Variants in PADI2 observed in about 807,000 individuals in gnomAD.
The protein encoded by PADI2 is protein-arginine deiminase type-2.
Under a neutral mutation model 81.1 loss-of-function variants are expected in PADI2, and 70 were observed. The ratio of observed to expected loss-of-function variants is 0.86; its 90% CI spans 0.71 to 1.05. PADI2 has a LOEUF of 1.05. Ranked by LOEUF, PADI2 falls within the 50% of genes least tolerant of loss-of-function variation. The pLI, the probability that PADI2 is intolerant of heterozygous loss-of-function variation, is 0.00. For missense variants in PADI2, 853 were observed against 889.9 expected, an observed-to-expected ratio of 0.96 and a Z score of 0.53; for synonymous variants, 338 against 358.0, an observed-to-expected ratio of 0.94 and a Z score of 0.63.
intron 3 of PADI2, among the ~76,000 whole-genome samples, chr1:17,100,347 CTG>C (rs1931099388): frequency 6.6e-6 from 1 of 152,198 alleles, no homozygotes; most frequent in Non-Finnish European, 1.5e-5. Flanking sequence ...TGCAGTGGCA[CTG>C]TGTCAGCTCA....
chr1:17,093,476 ACACCTGCCT>A lies in PADI2; in HGVS notation c.529+82_529+90del. On this transcript the variant is annotated intron_variant, in intron 5 of 15. Transcript: ENST00000375486. ...CACCATCCCCAGGAGGCCTGAGTCC[ACACCTGCCT>A]CACCCTCAGCCCAGCCCAGGACTGG... The A allele has an allele frequency of 9.6e-6, 8 of 829,552 alleles. No homozygotes were observed. The South Asian group carries it at 1.3e-4, about 14-fold the overall frequency. 51.4% of individuals were successfully genotyped at this position (829,552 alleles called of 1,614,324 possible). A position where few individuals can be genotyped will look rare whatever the true frequency, so the allele number is the denominator to read the frequency against.
intron 4 of PADI2, among the ~76,000 whole-genome samples, chr1:17,095,374 G>C (rs1453298985): frequency 1.3e-5 from 2 of 152,184 alleles, no homozygotes; most frequent in African/African-American, 4.8e-5. Context: ...GGTCCTCTGT[G>C]GGGGAGCAGA....
chr1:17,104,933 C>G lies in PADI2; in HGVS notation c.221G>C (p.Ser74Thr), dbSNP rs766709630. ...NGKQRWLLSPSTTLRVTMSQA... is the reference protein window; with the variant it reads ...NGKQRWLLSPTTTLRVTMSQA... ...GCTCATGGTGACCCGCAGGGTGGTG[C>G]TGGGCGAGAGAAGCCAGCGCTGCTT... Residue 74 changes from serine (S) to threonine (T), a missense_variant, in exon 2 of 16, where the codon AGC becomes ACC. By Grantham distance (58) the Ser-to-Thr change is moderately conservative. Transcript: ENST00000375486. 2 of 1,605,298 alleles carry G rather than the reference C, an allele frequency of 1.2e-6. No individual in the cohort carries two copies. Among genetic ancestry groups the G allele is most frequent in the Non-Finnish European group, 1.7e-6 (2 of 1,178,132 alleles).
intron 13 of PADI2, 60 bp downstream of exon 13, chr1:17,074,796 C>A: frequency 9.4e-7 from 1 of 1,062,486 alleles, no homozygotes; most frequent in Non-Finnish European, 1.4e-6. Flanking sequence ...CCCACCCTCC[C>A]GAGGGTCTCT....
At chr1:17,081,918 G>T (rs557128008) in intron 10 of PADI2, among the ~76,000 whole-genome samples, 1 of 152,284 alleles carries the variant, frequency 6.6e-6, no homozygotes, top group East Asian at 1.9e-4. Flanking sequence ...TTCGAGACCA[G>T]CCTGGCCAAC....
chr1:17,067,483 A>T lies in PADI2; in HGVS notation c.*1561T>A, dbSNP rs2078231106. On this transcript the variant is annotated 3_prime_UTR_variant, in exon 16 of 16. Coordinates refer to ENST00000375486, the MANE Select transcript of PADI2 (RefSeq NM_007365.3). ...TGTTTAAAGAAGACCCCCCACCCCC[A>T]CTGCCCATTTCACCACAACAGTGAC... 6.6e-6 allele frequency: 1 copy of T among 152,308 alleles called. No individual in the cohort carries two copies. Among genetic ancestry groups the T allele is most frequent in the Non-Finnish European group, 1.5e-5 (1 of 68,160 alleles). The allele number at this position is 152,308 out of a possible 1,614,324, so 9.4% of individuals were successfully genotyped here. A position where few individuals can be genotyped will look rare whatever the true frequency, so the allele number is the denominator to read the frequency against.
chr1:17,097,633 T>A (rs1930983830), intron 3 of PADI2, among the ~76,000 whole-genome samples: 1 of 152,178 alleles, frequency 6.6e-6, no homozygotes, highest in South Asian at 2.1e-4. Context: ...TGAATAGCAT[T>A]GCTCTCGTTT....
At chr1:17,095,651 T>C (rs964525152) in intron 4 of PADI2, among the ~76,000 whole-genome samples, 1 of 152,174 alleles carries the variant, frequency 6.6e-6, no homozygotes, top group Non-Finnish European at 1.5e-5. Context: ...CGGGCACATT[T>C]ATCCTTCCCA....
chr1:17,119,179 A>G lies in PADI2; in HGVS notation c.92+101T>C. The G allele has an allele frequency of 2.5e-6, 2 of 809,824 alleles. No homozygotes were observed. The highest frequency in any genetic ancestry group is 3.8e-6 in the Non-Finnish European group (2 of 526,376). The allele number at this position is 809,824 out of a possible 1,614,324, so 50.2% of individuals were successfully genotyped here. ...GCTCGGGGGCTCGGGATGAGGGACA[A>G]CTCGGGCTGGACAAAGGCTGTCCAC... On this transcript the variant is annotated intron_variant, in intron 1 of 15. Coordinates refer to ENST00000375486, the MANE Select transcript of PADI2 (RefSeq NM_007365.3). The surrounding 1 kb of genome is among the most constrained non-coding windows in gnomAD (Gnocchi z 4.8).
rs774834820 is a variant in PADI2, at chr1:17,075,736, C to A, written c.1398G>T (p.Trp466Cys). The change falls in exon 12 of 16, where the codon TGG becomes TGT. Residue 466 changes from tryptophan to cysteine, a missense_variant. By Grantham distance (215) the Trp-to-Cys change is radical. Transcript: ENST00000375486. ...VQAPVELYSD[W>C]LTVGHVDEFM... ...ACTCATCCACGTGGCCCACAGTCAG[C>A]CAGTCTGAGTAGAGCTCCACGGGCG... The A allele has an allele frequency of 1.2e-6, 2 of 1,614,004 alleles. No homozygotes were observed. The highest frequency in any genetic ancestry group is 3.3e-5 in the Admixed American group (2 of 59,988).
chr1:17,104,927 G>A lies in PADI2; in HGVS notation c.227C>T (p.Thr76Ile). 3 of 1,603,862 alleles carry A rather than the reference G, an allele frequency of 1.9e-6. No individual in the cohort carries two copies. The highest frequency in any genetic ancestry group is 2.5e-6 in the Non-Finnish European group (3 of 1,177,410). The change falls in exon 2 of 16, where the codon ACC becomes ATC. Residue 76 changes from threonine (T) to isoleucine (I), a missense_variant. By Grantham distance (89) the Thr-to-Ile change is moderately conservative. Transcript: ENST00000375486. ...CGCCTGGCTCATGGTGACCCGCAGG[G>A]TGGTGCTGGGCGAGAGAAGCCAGCG... ...KQRWLLSPST[T>I]LRVTMSQAST...
At chr1:17,094,016 T>C (rs994688099) in intron 4 of PADI2, among the ~76,000 whole-genome samples, 2 of 152,100 alleles carry the variant, frequency 1.3e-5, no homozygotes, top group African/African-American at 2.4e-5. Flanking sequence ...CATGGGTCCC[T>C]AGGTCCCTAG....
At chr1:17,112,568 C>T (rs946806517) in intron 1 of PADI2, among the ~76,000 whole-genome samples, 10 of 151,932 alleles carry the variant, frequency 6.6e-5, no homozygotes, top group Admixed American at 1.3e-4. Flanking sequence ...AACCCCATGG[C>T]GAGCAAGAGG....
In PADI2 at chr1:17,079,411, G is replaced by A. The variant is rs2078327636; in HGVS notation, c.1163C>T (p.Pro388Leu). 6.2e-7 allele frequency: 1 copy of A among 1,613,550 alleles called. No individual in the cohort carries two copies. The highest frequency in any genetic ancestry group is 1.1e-5 in the South Asian group (1 of 91,062). Residue 388 changes from proline to leucine, a missense_variant, in exon 11 of 16, where the codon CCA (proline) becomes CTA (leucine). Coordinates refer to ENST00000375486, the MANE Select transcript of PADI2 (RefSeq NM_007365.3). ...KDFPVKELLGPDFGYVTREPL... is the reference protein window; with the variant it reads ...KDFPVKELLGLDFGYVTREPL... ...CTCCCGGGTCACGTAGCCAAAATCT[G>A]GGCCCTAGGCAGAGGGCACACACCT...
At chr1:17,076,427 C>A (rs1483290761) in intron 11 of PADI2, among the ~76,000 whole-genome samples, 1 of 152,082 alleles carries the variant, frequency 6.6e-6, no homozygotes, top group East Asian at 1.9e-4. Flanking sequence ...GTTGGCCAAG[C>A]TGGTCTTGAA....
chr1:17,104,053 T>C (rs1018640302), intron 2 of PADI2, among the ~76,000 whole-genome samples: 16 of 149,952 alleles, frequency 1.1e-4, no homozygotes, highest in East Asian at 4.0e-4. Flanking sequence ...GAGGCCAAGG[T>C]GGGCGGATCA....
intron 1 of PADI2, among the ~76,000 whole-genome samples, chr1:17,111,082 C>CTT (rs779445292): frequency 0.025 from 2,335 of 93,772 alleles, 38 homozygotes; most frequent in African/African-American, 0.038. Flanking sequence ...AAAGACAGAC[C>CTT]TTTTTTTTTT....
chr1:17,081,098 G>GA, intron 10 of PADI2, among the ~76,000 whole-genome samples: 1 of 152,360 alleles, frequency 6.6e-6, no homozygotes, highest in African/African-American at 2.4e-5. Context: ...CTGGAATACT[G>GA]AAGGCAGGTG....
rs545966737 is a variant in PADI2, at chr1:17,079,519, C to T, written c.1159-104G>A. On this transcript the variant is annotated intron_variant, in intron 10 of 15. Coordinates refer to ENST00000375486, the MANE Select transcript of PADI2 (RefSeq NM_007365.3). ...ACCTTCAGTCTGGGTCTGTGGGCAC[C>T]CAGTTTCCAGGTGGGTTGTCCACGG... 17 of 958,654 alleles carry T rather than the reference C, an allele frequency of 1.8e-5. No individual in the cohort carries two copies. The African/African-American group carries it at 2.4e-4, about 14-fold the overall frequency. The allele number at this position is 958,654 out of a possible 1,614,324, so 59.4% of individuals were successfully genotyped here.
Sources: gnomAD v4.1 joint callset for allele counts (sites outside exome capture counted in the v4.1 genomes callset) on GRCh38, gnomAD v4.1.1 for gene constraint, Gnocchi (gnomAD v3.1) non-coding constraint, MANE v1.5 for transcripts, NCBI Gene and HGNC (gene_info 2026-07-23, HGNC 2026-07-21) for gene names.